Variants in TMEM117 observed in about 807,000 individuals in gnomAD.
TMEM117 encodes the protein transmembrane protein 117.
TMEM117 carries 27 observed loss-of-function variants against 52.4 expected under a neutral mutation model. That is an observed-to-expected ratio of 0.51 (90% CI 0.38 to 0.71). The LOEUF is 0.71. Ranked by LOEUF, TMEM117 falls within the 30% of genes least tolerant of loss-of-function variation. The probability of loss-of-function intolerance (pLI) is 0.00; values close to 1 mark genes in which losing one functional copy is unlikely to be tolerated. For missense variants in TMEM117, 556 were observed against 630.5 expected (o/e 0.88, Z 1.26); for synonymous variants, 215 against 206.3 (o/e 1.04, Z -0.36).
chr12:44,274,465 T>A (rs1473604852), intron 5 of TMEM117, among the ~76,000 whole-genome samples: 3 of 152,054 alleles, frequency 2.0e-5, no homozygotes, highest in African/African-American at 7.2e-5. Context: ...TCTAAAAATA[T>A]ATGTAACAAC....
At chr12:44,256,866 T>C (rs532038386) in intron 5 of TMEM117, among the ~76,000 whole-genome samples, 141 of 151,826 alleles carry the variant, frequency 9.3e-4, no homozygotes, top group African/African-American at 3.2e-3. Context: ...CAGTATATAA[T>C]GATTGTTTGG....
intron 3 of TMEM117, among the ~76,000 whole-genome samples, chr12:43,973,120 G>C (rs1261317329): frequency 1.6e-4 from 25 of 152,142 alleles, no homozygotes; most frequent in Admixed American, 1.6e-3. Context: ...GGAACTCTCT[G>C]CTTTTAATTC....
intron 3 of TMEM117, among the ~76,000 whole-genome samples, chr12:44,086,317 G>A (rs1036533575): frequency 2.0e-5 from 3 of 150,334 alleles, no homozygotes; most frequent in Non-Finnish European, 3.0e-5. Context: ...AGGTTCCAGC[G>A]ATTCCCCCGC....
chr12:44,208,515 C>T (rs527951809), intron 4 of TMEM117, among the ~76,000 whole-genome samples: 259 of 152,240 alleles, frequency 1.7e-3, no homozygotes, highest in African/African-American at 5.9e-3. Context: ...CCCACAAAGA[C>T]TGTCCTTGAC....
At chr12:44,149,879 A>G (rs1268447385) in intron 4 of TMEM117, among the ~76,000 whole-genome samples, 2 of 152,226 alleles carry the variant, frequency 1.3e-5, no homozygotes, top group African/African-American at 4.8e-5. Flanking sequence ...GTTTAATTGA[A>G]CTTCATAATA....
At chr12:44,293,270 A>G (rs2138625918) in intron 5 of TMEM117, among the ~76,000 whole-genome samples, 2 of 152,086 alleles carry the variant, frequency 1.3e-5, no homozygotes, top group South Asian at 2.1e-4. Flanking sequence ...ATTTGATTAG[A>G]ATGTCTTTTC....
At chr12:44,363,875 T>C (rs564170309) in intron 6 of TMEM117, among the ~76,000 whole-genome samples, 105 of 152,274 alleles carry the variant, frequency 6.9e-4, no homozygotes, top group Non-Finnish European at 1.4e-3. Flanking sequence ...ATCTCTGAGT[T>C]GGGAATTAGG....
chr12:43,851,685 A>C (rs968533813), intron 2 of TMEM117, among the ~76,000 whole-genome samples: 1 of 152,216 alleles, frequency 6.6e-6, no homozygotes, highest in Admixed American at 6.5e-5. Flanking sequence ...AGAAGTAGAA[A>C]ATCAGGACCA....
chr12:44,126,785 A>G (rs1306442368), intron 3 of TMEM117, among the ~76,000 whole-genome samples: 2 of 152,226 alleles, frequency 1.3e-5, no homozygotes, highest in Admixed American at 6.5e-5. Flanking sequence ...TTTCAGAGGA[A>G]CACTTTTTAG....
At chr12:43,801,177 C>A in the TMEM117 span, among the ~76,000 whole-genome samples, 1 of 152,110 alleles carries the variant, frequency 6.6e-6, no homozygotes, top group Admixed American at 6.5e-5. Context: ...TGACATTCTT[C>A]TCAAAGCTGT....
At chr12:44,127,568 C>T (rs1012403067) in intron 3 of TMEM117, among the ~76,000 whole-genome samples, 5 of 151,832 alleles carry the variant, frequency 3.3e-5, no homozygotes, top group East Asian at 3.9e-4. Flanking sequence ...CCCAGCTACT[C>T]GGGAGGCTGA....
At chr12:44,050,585 ACT>A (rs2137923889) in intron 3 of TMEM117, among the ~76,000 whole-genome samples, 1 of 152,214 alleles carries the variant, frequency 6.6e-6, no homozygotes, top group Non-Finnish European at 1.5e-5. Context: ...AGCTCTCTCG[ACT>A]CTGCCTCAGT....
intron 3 of TMEM117, among the ~76,000 whole-genome samples, chr12:44,061,097 C>T (rs1947131994): frequency 6.6e-6 from 1 of 152,016 alleles, no homozygotes; most frequent in African/African-American, 2.4e-5. Flanking sequence ...TTAAATAGGG[C>T]CATGCAAATT....
chr12:43,950,052 A>G (rs1945194998), intron 3 of TMEM117, among the ~76,000 whole-genome samples: 1 of 152,188 alleles, frequency 6.6e-6, no homozygotes, highest in African/African-American at 2.4e-5. Context: ...TTGATTTATC[A>G]AGGGCTTTTC....
intron 2 of TMEM117, among the ~76,000 whole-genome samples, chr12:43,886,544 G>T (rs931134999): frequency 6.6e-6 from 1 of 152,152 alleles, no homozygotes; most frequent in African/African-American, 2.4e-5. Flanking sequence ...ATTGGGCTTT[G>T]AAGGTGAGGA....
intron 3 of TMEM117, among the ~76,000 whole-genome samples, chr12:44,060,633 G>A (rs1161719859): frequency 6.6e-6 from 1 of 152,130 alleles, no homozygotes; most frequent in African/African-American, 2.4e-5. Flanking sequence ...AGAAAAGTAT[G>A]TCTGGAGAGG....
At chr12:44,222,207 A>C (rs1278594503) in intron 5 of TMEM117, among the ~76,000 whole-genome samples, 1 of 152,022 alleles carries the variant, frequency 6.6e-6, no homozygotes, top group Non-Finnish European at 1.5e-5. Flanking sequence ...CCCTCCCTTC[A>C]GGTCCCCACA....
At chr12:43,987,545 T>C (rs11182363) in intron 3 of TMEM117, among the ~76,000 whole-genome samples, 7,987 of 152,090 alleles carry the variant, frequency 0.053, 348 homozygotes, top group African/African-American at 0.11. Context: ...ATGAAGCTTT[T>C]AGTTAGTTTT....
chr12:44,311,590 A>G lies in TMEM117; in HGVS notation c.768+11851A>G, dbSNP rs1726883. Among the ~76,000 whole-genome samples the G allele has an allele frequency of 6.0e-3, 907 of 151,870 alleles. 7 individuals carry two copies. The highest frequency in any genetic ancestry group is 0.021 in the African/African-American group (883 of 41,370). The stretch of plus-strand genomic sequence containing the variant: ...GGAAAGAAAGAGGGAGGACGTAGAG[A>G]TGACAGCTGCCACAGCCAACAGAAA... On this transcript the variant is annotated intron_variant, in intron 6 of 7. Transcript: ENST00000266534.
Sources: allele counts gnomAD v4.1 joint callset (sites outside exome capture counted in the v4.1 genomes callset), GRCh38; gene constraint gnomAD v4.1.1; transcripts MANE v1.5; gene names NCBI Gene and HGNC (gene_info 2026-07-23, HGNC 2026-07-21).